The following USP14 variants were observed in gnomAD, a reference collection of about 807,000 sequenced individuals.
USP14 encodes ubiquitin specific peptidase 14.
A neutral mutation model predicts 76.5 loss-of-function variants in USP14; 38 were observed. The ratio of observed to expected loss-of-function variants is 0.50; its 90% confidence interval spans 0.38 to 0.65. The LOEUF (loss-of-function observed/expected upper bound fraction) is 0.65. USP14 is among the 30% of genes least tolerant of loss of function. The pLI, the probability that USP14 is intolerant of heterozygous loss-of-function variation, is 0.00. For synonymous variants in USP14, 192 were observed against 191.7 expected (o/e 1.00, Z -0.01); for missense variants, 467 against 586.5 (o/e 0.80, Z 2.10).
chr18:171,800 G>A (rs1257322960), intron 3 of USP14, among the ~76,000 whole-genome samples: 1 of 152,202 alleles, frequency 6.6e-6, no homozygotes, highest in Non-Finnish European at 1.5e-5. Flanking sequence ...GATACCATTA[G>A]GAGCATTCAT....
chr18:165,107 C>T (rs990004873), intron 2 of USP14, among the ~76,000 whole-genome samples: 5 of 152,058 alleles, frequency 3.3e-5, no homozygotes, highest in South Asian at 2.1e-4. Flanking sequence ...CACCACCATG[C>T]GTGACAAATG....
chr18:214,465 G>C lies in USP14; in HGVS notation c.*3181G>C. The C allele has an allele frequency of 1.6e-6, 1 of 620,038 alleles. No individual in the cohort carries two copies. The highest frequency in any genetic ancestry group is 2.7e-6 in the Non-Finnish European group (1 of 366,642). 38.4% of individuals were successfully genotyped at this position (620,038 alleles called of 1,614,324 possible). ...CTCAACCCAACCTCCCCAAACTCTG[G>C]TTTGAGCCAATATGTGTTCTATTGT... is the stretch of plus-strand genomic sequence containing the variant. On this transcript the variant is annotated 3_prime_UTR_variant, in exon 16 of 16. Transcript: ENST00000261601.
rs1910727064 is a variant in USP14 at position 213,314 on chromosome 18, T to C, written c.*2030T>C. 1 of 152,026 alleles carries C rather than the reference T, an allele frequency of 6.6e-6. No homozygotes were observed. The highest frequency in any genetic ancestry group is 2.1e-4 in the South Asian group (1 of 4,808). The allele number at this position is 152,026 out of a possible 1,614,324, so 9.4% of individuals were successfully genotyped here. A position where few individuals can be genotyped will look rare whatever the true frequency, so the allele number is the denominator to read the frequency against. ...AAGTATATAAGCCTTGTATGGACTA[T>C]ATTAGAATTTTAAAAATTGTAATTA... On this transcript the variant is annotated 3_prime_UTR_variant, in exon 16 of 16. Coordinates refer to ENST00000261601, the MANE Select transcript of USP14 (RefSeq NM_005151.4).
chr18:213,819 A>ATATC lies in USP14; in HGVS notation c.*2537_*2540dup, dbSNP rs1194005458. On this transcript the variant is annotated 3_prime_UTR_variant, in exon 16 of 16. Transcript: ENST00000261601. ...TGCTGTGTATAGGGTGTGTTCACAT[A>ATATC]TATCTCAGTTGAATGTCACAAGAAT... The ATATC allele has an allele frequency of 6.6e-5, 10 of 152,212 alleles. No homozygotes were observed. Among genetic ancestry groups the ATATC allele is most frequent in the Admixed American group, 4.6e-4 (7 of 15,276 alleles). 9.4% of individuals were successfully genotyped at this position (152,212 alleles called of 1,614,324 possible).
At chr18:207,383 A>G (rs1383613957) in intron 13 of USP14, among the ~76,000 whole-genome samples, 2 of 145,078 alleles carry the variant, frequency 1.4e-5, no homozygotes. Flanking sequence ...GAATCTGTGG[A>G]TCAATTAAAA....
At chr18:187,127 G>A (rs368794249) in intron 5 of USP14, among the ~76,000 whole-genome samples, 11 of 152,196 alleles carry the variant, frequency 7.2e-5, no homozygotes, top group African/African-American at 2.4e-4. Flanking sequence ...CTGTTTACTC[G>A]TGAGTTTATT....
chr18:165,222 C>T (rs1381439609), intron 2 of USP14, among the ~76,000 whole-genome samples: 6 of 152,234 alleles, frequency 3.9e-5, no homozygotes, highest in Non-Finnish European at 8.8e-5. Context: ...GCTGGGATTA[C>T]AGGCGTGAGC....
chr18:171,206 A>G (rs989404626), intron 3 of USP14, among the ~76,000 whole-genome samples: 2 of 151,776 alleles, frequency 1.3e-5, no homozygotes, highest in Non-Finnish European at 2.9e-5. Context: ...GAAGGTAGCT[A>G]CACTATACAA....
At chr18:181,551 T>C (rs1034810015) in intron 5 of USP14, among the ~76,000 whole-genome samples, 2 of 152,198 alleles carry the variant, frequency 1.3e-5, no homozygotes, top group African/African-American at 4.8e-5. Context: ...TCAATTGTGT[T>C]TTTACATATA....
At chr18:192,324 G>A (rs1378463458) in intron 5 of USP14, among the ~76,000 whole-genome samples, 2 of 152,188 alleles carry the variant, frequency 1.3e-5, no homozygotes, top group African/African-American at 4.8e-5. Context: ...AGCACTTTGG[G>A]AGGCCGATGT....
chr18:180,194 G>C (rs1909747393), intron 4 of USP14, 42 bp from the exon 5 acceptor site: 1 of 1,126,130 alleles, frequency 8.9e-7, no homozygotes. Flanking sequence ...TTGTAAAAAT[G>C]GTTTAATGAT....
chr18:158,753 C>T lies in USP14; in HGVS notation c.16+39C>T, dbSNP rs1188265370. 6 of 1,466,694 alleles carry T rather than the reference C, an allele frequency of 4.1e-6. No individual in the cohort carries two copies. In the Admixed American group the frequency reaches 7.4e-5, roughly 18 times the overall value. The allele number at this position is 1,466,694 out of a possible 1,614,324, so 90.9% of individuals were successfully genotyped here. A position where few individuals can be genotyped will look rare whatever the true frequency, so the allele number is the denominator to read the frequency against. ...TGGCCTCGCGCGCAGCACACCGGAC[C>T]GGCGCTAGGCCTCCGCGTAGGCCTG... On this transcript the variant is annotated intron_variant, in intron 1 of 15. Transcript: ENST00000261601.
At chr18:161,145 C>T (rs535379975) in intron 1 of USP14, among the ~76,000 whole-genome samples, 77 of 152,286 alleles carry the variant, frequency 5.1e-4, no homozygotes, top group South Asian at 1.2e-3. Context: ...CCAGGCTGGT[C>T]TCAAACCCCT....
intron 5 of USP14, among the ~76,000 whole-genome samples, chr18:189,954 C>A (rs1428003220): frequency 1.3e-5 from 2 of 152,136 alleles, no homozygotes; most frequent in African/African-American, 4.8e-5. Flanking sequence ...TTATGTTTCC[C>A]AAATTGGAAA....
At chr18:201,598 A>G (rs1390117805) in intron 10 of USP14, among the ~76,000 whole-genome samples, 1 of 152,218 alleles carries the variant, frequency 6.6e-6, no homozygotes, top group African/African-American at 2.4e-5. Context: ...TTAAAAACAC[A>G]CAAAACTTCT....
Position 159,599 on chromosome 18 carries a change from G to A in USP14, c.16+885G>A, listed in dbSNP as rs572255698. ...ATTCAGCATTTACAAAGCATGATAC[G>A]AATCAAGAGTATTGTTTGATCTCAA... On this transcript the variant is annotated intron_variant, in intron 1 of 15. Transcript: ENST00000261601. Among the ~76,000 whole-genome samples, 10 of 152,230 alleles carry A rather than the reference G, an allele frequency of 6.6e-5. No homozygotes were observed. The South Asian group carries it at 2.1e-3, about 32-fold the overall frequency.
At chr18:209,291 A>T (rs1002670837) in intron 13 of USP14, among the ~76,000 whole-genome samples, 2 of 152,100 alleles carry the variant, frequency 1.3e-5, no homozygotes, top group African/African-American at 4.8e-5. Context: ...TTTGTTGTGG[A>T]ATCCTTTGAC....
At chr18:190,080 A>G (rs557518464) in intron 5 of USP14, among the ~76,000 whole-genome samples, 13 of 152,164 alleles carry the variant, frequency 8.5e-5, no homozygotes, top group African/African-American at 3.1e-4. Context: ...GGTCTGGCTC[A>G]TGATGTTTAG....
intron 9 of USP14, among the ~76,000 whole-genome samples, chr18:198,639 T>G (rs1910305640): frequency 6.6e-6 from 1 of 152,176 alleles, no homozygotes; most frequent in Non-Finnish European, 1.5e-5. Context: ...AATATAATTA[T>G]TTTAAATTTA....
Sources: gnomAD v4.1 joint callset for allele counts (sites outside exome capture counted in the v4.1 genomes callset) on GRCh38, gnomAD v4.1.1 for gene constraint, MANE v1.5 for transcripts, NCBI Gene and HGNC (gene_info 2026-07-23, HGNC 2026-07-21) for gene names.